The following GRIK5 variants were observed in gnomAD, a reference collection of about 807,000 sequenced individuals.
GRIK5 encodes the protein glutamate ionotropic receptor kainate type subunit 5.
A neutral mutation model predicts 97.4 loss-of-function variants in GRIK5; 43 were observed. That is an observed-to-expected ratio of 0.44 (90% confidence interval 0.35 to 0.57). The LOEUF (loss-of-function observed/expected upper bound fraction) is 0.57. Ranked by LOEUF, GRIK5 falls within the 20% of genes least tolerant of loss-of-function variation. The pLI, the probability that GRIK5 is intolerant of heterozygous loss-of-function variation, is 0.01. For synonymous variants in GRIK5, 580 were observed against 583.5 expected, an observed-to-expected ratio of 0.99 and a Z score of 0.09; for missense variants, 1,015 against 1,382.0, an observed-to-expected ratio of 0.73 and a Z score of 4.21.
rs1383293412 is a variant in GRIK5, at chr19:42,003,962, C to T, written c.2264-279G>A. 6.6e-6 allele frequency among the ~76,000 whole-genome samples: 1 copy of T among 152,184 alleles called. No individual in the cohort carries two copies. Among genetic ancestry groups the T allele is most frequent in the Non-Finnish European group, 1.5e-5 (1 of 68,030 alleles). ...CCTCGGCCACTCTCAGACACCCTCA[C>T]CCCCACGGCTCTCAGCTCCAGCCTC... On this transcript the variant is annotated intron_variant, in intron 17 of 19. Transcript: ENST00000593562. The surrounding 1 kb of genome is among the most constrained non-coding windows in gnomAD (Gnocchi z 4.2).
chr19:42,040,096 T>C (rs1185510302), intron 12 of GRIK5, among the ~76,000 whole-genome samples: 1 of 152,236 alleles, frequency 6.6e-6, no homozygotes, highest in Non-Finnish European at 1.5e-5. Context: ...AGGGCTGTTA[T>C]TCCCCAATTT....
intron 15 of GRIK5, among the ~76,000 whole-genome samples, chr19:42,019,496 A>G (rs2075671178): frequency 6.6e-6 from 1 of 152,236 alleles, no homozygotes; most frequent in Non-Finnish European, 1.5e-5. Flanking sequence ...CCGGCAGAAT[A>G]GGCCCCGCCC....
At chr19:42,005,181 C>T (rs1208876755) in intron 17 of GRIK5, among the ~76,000 whole-genome samples, 4 of 148,588 alleles carry the variant, frequency 2.7e-5, no homozygotes, top group Non-Finnish European at 4.4e-5. Context: ...GTGGCTCATA[C>T]CTGTAATCCC....
intron 1 of GRIK5, among the ~76,000 whole-genome samples, chr19:42,067,011 G>A (rs1366314547): frequency 6.6e-6 from 1 of 152,202 alleles, no homozygotes; most frequent in Non-Finnish European, 1.5e-5. Context: ...AGGAGTCAGG[G>A]ATTCCTCTAG....
In GRIK5 at chr19:42,003,125, C is replaced by T. The variant is rs2075443172; in HGVS notation, c.2514+207G>A. ...CTCCTCTCCCTGCATCCTCATTGCT[C>T]CCTGTGCCTACTTTCCCTCCTGTTC... On this transcript the variant is annotated intron_variant, in intron 19 of 19. Transcript: ENST00000593562. This position sits in a 1 kb window ranked among gnomAD's most constrained non-coding sequence, Gnocchi z 4.2. Among the ~76,000 whole-genome samples the T allele has an allele frequency of 6.6e-6, 1 of 152,042 alleles. No homozygotes were observed. Among genetic ancestry groups the T allele is most frequent in the Admixed American group, 6.5e-5 (1 of 15,268 alleles).
chr19:42,039,929 G>A (rs1285291638), intron 12 of GRIK5, among the ~76,000 whole-genome samples: 1 of 151,840 alleles, frequency 6.6e-6, no homozygotes, highest in East Asian at 1.9e-4. Context: ...GCAGTGAGCT[G>A]TGATTGCACT....
intron 12 of GRIK5, among the ~76,000 whole-genome samples, chr19:42,027,001 G>A (rs571043628): frequency 2.0e-5 from 3 of 152,108 alleles, no homozygotes; most frequent in South Asian, 4.2e-4. Context: ...GCCCCAAAAC[G>A]TCCCGCACCA....
chr19:42,017,019 T>C (rs2075633202), intron 15 of GRIK5, among the ~76,000 whole-genome samples: 1 of 152,192 alleles, frequency 6.6e-6, no homozygotes, highest in Admixed American at 6.5e-5. Flanking sequence ...GACTGGATGT[T>C]GTTTTGTTTG....
At chr19:42,024,724 T>C (rs1204492889) in intron 12 of GRIK5, among the ~76,000 whole-genome samples, 1 of 152,094 alleles carries the variant, frequency 6.6e-6, no homozygotes, top group East Asian at 1.9e-4. Context: ...CCCCACCGCA[T>C]TCCTGGGCCA....
In GRIK5 at chr19:42,065,684, G is replaced by T. The variant is rs2076321871; in HGVS notation, c.79+8C>A. 6.4e-7 allele frequency: 1 copy of T among 1,572,664 alleles called. No individual in the cohort carries two copies. On this transcript the variant is annotated splice_region_variant and intron_variant, in intron 2 of 19. Transcript: ENST00000593562. The surrounding 1 kb of genome is among the most constrained non-coding windows in gnomAD (Gnocchi z 5.8). ...AGGATGCAGGGGCAGGGTGCGGGAG[G>T]GCCTCACCCATGCGCAGTGATGAGA... is the stretch of plus-strand genomic sequence containing the variant.
intron 12 of GRIK5, among the ~76,000 whole-genome samples, chr19:42,037,436 G>A (rs2075921014): frequency 6.6e-6 from 1 of 152,186 alleles, no homozygotes; most frequent in Non-Finnish European, 1.5e-5. Context: ...TCCAGCCTGG[G>A]CGACAGAGTG....
chr19:42,002,163 G>A lies in GRIK5; in HGVS notation c.2514+1169C>T. ...CAAGAGTGGCTTCAGTGGAGTGGCA[G>A]GGACCGATGCCAGACTGGAGTGGGG... On this transcript the variant is annotated intron_variant, in intron 19 of 19. Coordinates refer to ENST00000593562, the MANE Select transcript of GRIK5 (RefSeq NM_002088.5). The surrounding 1 kb of genome is among the most constrained non-coding windows in gnomAD (Gnocchi z 5.2). The A allele has an allele frequency of 4.2e-6, 3 of 717,582 alleles. No individual in the cohort carries two copies. The highest frequency in any genetic ancestry group is 7.8e-6 in the Non-Finnish European group (3 of 385,144). 44.5% of individuals were successfully genotyped at this position (717,582 alleles called of 1,614,324 possible).
intron 15 of GRIK5, among the ~76,000 whole-genome samples, chr19:42,007,045 C>G: frequency 6.6e-6 from 1 of 152,096 alleles, no homozygotes; most frequent in Admixed American, 6.5e-5. Flanking sequence ...TCTGGAAATA[C>G]CCTCCCACCA....
intron 8 of GRIK5, among the ~76,000 whole-genome samples, chr19:42,055,081 G>A (rs1599836866): frequency 1.3e-5 from 2 of 152,220 alleles, no homozygotes; most frequent in African/African-American, 2.4e-5. Flanking sequence ...CTACCTTCAT[G>A]TGCTGTTACG....
At chr19:42,037,011 G>C (rs2075914472) in intron 12 of GRIK5, among the ~76,000 whole-genome samples, 1 of 152,230 alleles carries the variant, frequency 6.6e-6, no homozygotes, top group Non-Finnish European at 1.5e-5. Flanking sequence ...TAAGGAGTAA[G>C]TCCAGATTTG....
chr19:42,016,699 C>T (rs1189019183), intron 15 of GRIK5, among the ~76,000 whole-genome samples: 1 of 152,174 alleles, frequency 6.6e-6, no homozygotes, highest in Non-Finnish European at 1.5e-5. Flanking sequence ...GAGATGACTT[C>T]GGAAGTGTTA....
At chr19:42,037,736 G>A (rs2075925770) in intron 12 of GRIK5, among the ~76,000 whole-genome samples, 1 of 152,214 alleles carries the variant, frequency 6.6e-6, no homozygotes, top group Non-Finnish European at 1.5e-5. Flanking sequence ...TCTGTCAGTA[G>A]AAGAGCGTCC....
At chr19:42,012,191 T>A (rs1349844682) in intron 15 of GRIK5, among the ~76,000 whole-genome samples, 5 of 152,144 alleles carry the variant, frequency 3.3e-5, no homozygotes, top group African/African-American at 1.2e-4. Flanking sequence ...GGCTTTTACA[T>A]ATACATATAT....
At position 42,021,587 on chromosome 19, in the gene GRIK5, G is replaced by C. The variant is rs987911639; in HGVS notation, c.1698-113C>G. ...GAAGAAAGGGGGAGAGATGGAAAAA[G>C]GAGCAAGATGGACAGAAGCACACAG... On this transcript the variant is annotated intron_variant, in intron 14 of 19. Coordinates refer to ENST00000593562, the MANE Select transcript of GRIK5 (RefSeq NM_002088.5). The surrounding 1 kb of genome is among the most constrained non-coding windows in gnomAD (Gnocchi z 4.2). The C allele has an allele frequency of 1.3e-6, 1 of 799,182 alleles. No homozygotes were observed. Among genetic ancestry groups the C allele is most frequent in the Non-Finnish European group, 1.9e-6 (1 of 518,414 alleles). The allele number at this position is 799,182 out of a possible 1,614,324, so 49.5% of individuals were successfully genotyped here. A position where few individuals can be genotyped will look rare whatever the true frequency, so the allele number is the denominator to read the frequency against.
Sources: gnomAD v4.1 joint callset for allele counts (sites outside exome capture counted in the v4.1 genomes callset) on GRCh38, gnomAD v4.1.1 for gene constraint, Gnocchi (gnomAD v3.1) non-coding constraint, MANE v1.5 for transcripts, NCBI Gene and HGNC (gene_info 2026-07-23, HGNC 2026-07-21) for gene names.